Variants in LYN observed in about 807,000 individuals in gnomAD.
LYN encodes LYN proto-oncogene, Src family tyrosine kinase.
LYN carries 12 observed loss-of-function variants against 65.0 expected under a neutral mutation model. That is an observed-to-expected ratio of 0.18 (90% CI 0.12 to 0.30). The LOEUF (loss-of-function observed/expected upper bound fraction) is 0.30, where lower values mean the gene tolerates loss of function less well. LYN is among the 10% of genes least tolerant of loss of function. LYN has a pLI of 1.00. For missense variants in LYN, 380 were observed against 623.2 expected (o/e 0.61, Z 4.16); for synonymous variants, 222 against 221.2 (o/e 1.00, Z -0.03).
At chr8:55,992,644 A>G (rs1459663474) in intron 10 of LYN, among the ~76,000 whole-genome samples, 2 of 152,208 alleles carry the variant, frequency 1.3e-5, no homozygotes, top group African/African-American at 2.4e-5. Flanking sequence ...TGTTGAGACT[A>G]AGATTTTGTT....
At chr8:56,004,401 C>T (rs1316107959) in intron 12 of LYN, among the ~76,000 whole-genome samples, 3 of 150,840 alleles carry the variant, frequency 2.0e-5, no homozygotes, top group Admixed American at 1.3e-4. Flanking sequence ...TCAAGCAATG[C>T]TCCTGCCTCA....
At chr8:55,981,776 T>C (rs568752775) in intron 10 of LYN, among the ~76,000 whole-genome samples, 3 of 152,284 alleles carry the variant, frequency 2.0e-5, no homozygotes, top group East Asian at 3.9e-4. Flanking sequence ...ACTTACTTCA[T>C]TGGTTGAAAT....
At chr8:55,992,427 G>A (rs1282163848) in intron 10 of LYN, among the ~76,000 whole-genome samples, 1 of 152,152 alleles carries the variant, frequency 6.6e-6, no homozygotes. Context: ...GATGGGCTAG[G>A]AATTCTTCCA....
chr8:55,990,300 G>C (rs1808213378), intron 10 of LYN, among the ~76,000 whole-genome samples: 1 of 148,474 alleles, frequency 6.7e-6, no homozygotes, highest in African/African-American at 2.5e-5. Context: ...GTTAAGCTTT[G>C]CCTGAAGAGT....
At chr8:55,966,671 T>C in intron 8 of LYN, 44 bp from the exon 9 acceptor site, 1 of 1,578,420 alleles carries the variant, frequency 6.3e-7, no homozygotes, top group Non-Finnish European at 8.7e-7. Flanking sequence ...CCCGGCTAGA[T>C]TTTCTGTTTT....
intron 12 of LYN, among the ~76,000 whole-genome samples, chr8:56,005,525 C>T (rs984348864): frequency 1.8e-4 from 28 of 152,324 alleles, no homozygotes; most frequent in African/African-American, 4.3e-4. Context: ...TGGGATGGGC[C>T]GCCTTGCCCG....
chr8:55,909,952 C>T lies in LYN; in HGVS notation c.-6+29849C>T, dbSNP rs990597744. Among the ~76,000 whole-genome samples the T allele has an allele frequency of 7.5e-5, 11 of 146,516 alleles. 1 individual carries two copies. Among genetic ancestry groups the T allele is most frequent in the Non-Finnish European group, 9.0e-5 (6 of 66,922 alleles). On this transcript the variant is annotated intron_variant, in intron 1 of 12. Transcript: ENST00000519728. ...GAAAAATATGTATTCATGTTCTTTG[C>T]CCACTTTTTAATGGGGTTGTTTGTG...
At chr8:55,954,034 G>C (rs765585694) in intron 8 of LYN, 50 bp downstream of exon 8, 12 of 1,591,980 alleles carry the variant, frequency 7.5e-6, no homozygotes, top group Non-Finnish European at 1.0e-5. Context: ...GGTGACAGGA[G>C]AAGTAAAGGC....
chr8:55,921,360 C>G (rs1356784422), intron 1 of LYN, among the ~76,000 whole-genome samples: 1 of 152,138 alleles, frequency 6.6e-6, no homozygotes, highest in African/African-American at 2.4e-5. Context: ...GGTCTGTCCT[C>G]AAGGGGTTTA....
rs559062424 is a variant in LYN, at chr8:55,932,872, C to G, written c.-5-8983C>G. On this transcript the variant is annotated intron_variant, in intron 1 of 12. Coordinates refer to ENST00000519728, the MANE Select transcript of LYN (RefSeq NM_002350.4). ...AGTGAATTAATGCAGGAACAGAAAA[C>G]CAAATTGCAGGCTCTCACTTATGAA... is the stretch of plus-strand genomic sequence containing the variant. 3.3e-5 allele frequency among the ~76,000 whole-genome samples: 5 copies of G among 152,268 alleles called. No homozygotes were observed. In the South Asian group the frequency reaches 1.0e-3, roughly 32 times the overall value.
chr8:55,888,307 A>G (rs1208345614), intron 1 of LYN, among the ~76,000 whole-genome samples: 2 of 152,188 alleles, frequency 1.3e-5, no homozygotes, highest in Non-Finnish European at 1.5e-5. Context: ...CCACATTACC[A>G]GAGCTTGTTC....
chr8:55,889,758 G>A (rs893289198), intron 1 of LYN, among the ~76,000 whole-genome samples: 3 of 152,142 alleles, frequency 2.0e-5, no homozygotes, highest in South Asian at 2.1e-4. Flanking sequence ...AGGGCAGGGC[G>A]GTAGAGCACA....
chr8:56,003,837 C>T (rs905651540), intron 12 of LYN, among the ~76,000 whole-genome samples: 1 of 150,756 alleles, frequency 6.6e-6, no homozygotes, highest in Non-Finnish European at 1.5e-5. Context: ...AGCATTGGGT[C>T]AAGAGATAAT....
At chr8:55,910,347 GT>G (rs1805563784) in intron 1 of LYN, among the ~76,000 whole-genome samples, 1 of 152,108 alleles carries the variant, frequency 6.6e-6, no homozygotes, top group Non-Finnish European at 1.5e-5. Context: ...ATGGAGTCCA[GT>G]TTCATTCTTC....
At chr8:55,913,935 T>C (rs1187945731) in intron 1 of LYN, among the ~76,000 whole-genome samples, 1 of 152,168 alleles carries the variant, frequency 6.6e-6, no homozygotes, top group African/African-American at 2.4e-5. Flanking sequence ...GAGCAGCTTA[T>C]GAAACCAGGA....
chr8:55,972,006 G>A (rs559999478), intron 10 of LYN, among the ~76,000 whole-genome samples: 1 of 152,242 alleles, frequency 6.6e-6, no homozygotes, highest in African/African-American at 2.4e-5. Context: ...TGACAGGAGG[G>A]CCTGGGGGCA....
chr8:55,974,123 G>A (rs1035668729), intron 10 of LYN, among the ~76,000 whole-genome samples: 50 of 152,286 alleles, frequency 3.3e-4, no homozygotes, highest in African/African-American at 1.2e-3. Context: ...CTTGGCCAAG[G>A]TTACTGAGCT....
intron 12 of LYN, among the ~76,000 whole-genome samples, chr8:56,004,483 G>A (rs545507532): frequency 3.4e-4 from 51 of 151,382 alleles, no homozygotes; most frequent in Middle Eastern, 6.8e-3. Context: ...TAGTAGAGAC[G>A]GGGTTTCACC....
At position 56,009,902 on chromosome 8, in the gene LYN, C is replaced by T; in HGVS notation, c.1337-6C>T. On this transcript the variant is annotated splice_polypyrimidine_tract_variant and splice_region_variant and intron_variant, in intron 12 of 12. Transcript: ENST00000519728. ...TTTCTGTTCTTTTTGTTTTTTTCCACCCTAGGGAGAACTAATGCCGACGTG... is the reference window on the plus strand; with the variant it reads ...TTTCTGTTCTTTTTGTTTTTTTCCATCCTAGGGAGAACTAATGCCGACGTG... The T allele has an allele frequency of 6.2e-7, 1 of 1,613,234 alleles. No individual in the cohort carries two copies. Among genetic ancestry groups the T allele is most frequent in the Non-Finnish European group, 8.5e-7 (1 of 1,179,456 alleles).
Sources: gnomAD v4.1 joint callset for allele counts (sites outside exome capture counted in the v4.1 genomes callset) on GRCh38, gnomAD v4.1.1 for gene constraint, MANE v1.5 for transcripts, NCBI Gene and HGNC (gene_info 2026-07-23, HGNC 2026-07-21) for gene names.